Variants in MAGI1 observed in about 807,000 individuals in gnomAD.
The protein encoded by MAGI1 is membrane associated guanylate kinase, WW and PDZ domain containing 1.
Under a neutral mutation model 139.9 loss-of-function variants are expected in MAGI1, and 58 were observed. That is an observed-to-expected ratio of 0.41 (90% confidence interval 0.34 to 0.52). The LOEUF (loss-of-function observed/expected upper bound fraction) is 0.52. Among genes scored for constraint, MAGI1 ranks in the 20% least tolerant of loss-of-function variants. The pLI, the probability that MAGI1 is intolerant of heterozygous loss-of-function variation, is 0.12. For synonymous variants in MAGI1, 812 were observed against 737.9 expected (o/e 1.10, Z -1.63); for missense variants, 1,874 against 1,901.6 (o/e 0.99, Z 0.27).
intron 1 of MAGI1, among the ~76,000 whole-genome samples, chr3:65,823,169 T>C (rs540890510): frequency 6.6e-6 from 1 of 152,230 alleles, no homozygotes; most frequent in Non-Finnish European, 1.5e-5. Flanking sequence ...ATATATCATA[T>C]AAAGTGATTT....
chr3:66,003,376 A>G (rs2066851338), intron 1 of MAGI1, among the ~76,000 whole-genome samples: 1 of 152,052 alleles, frequency 6.6e-6, no homozygotes, highest in Admixed American at 6.6e-5. Flanking sequence ...GAGAGGCAGG[A>G]CATGCACGGT....
At chr3:65,888,789 A>T (rs967522798) in intron 1 of MAGI1, among the ~76,000 whole-genome samples, 1 of 152,190 alleles carries the variant, frequency 6.6e-6, no homozygotes, top group Non-Finnish European at 1.5e-5. Flanking sequence ...CTTCCAATTC[A>T]ATGCTCCCAA....
intron 2 of MAGI1, among the ~76,000 whole-genome samples, chr3:65,571,384 T>C (rs1559681637): frequency 6.6e-6 from 1 of 152,124 alleles, no homozygotes; most frequent in African/African-American, 2.4e-5. Flanking sequence ...GATGAATACA[T>C]GTGATGAGGG....
rs76442873 is a variant in MAGI1, at chr3:65,947,582, G to T, written c.313+90414C>A. On this transcript the variant is annotated intron_variant, in intron 1 of 22. Coordinates refer to ENST00000402939, the MANE Select transcript of MAGI1 (RefSeq NM_001033057.2). ...TGTACGTTTCTGATTAACTGTTGAG[G>T]CTTTCAAGTGAAAGCTTTAATCAGC... Among the ~76,000 whole-genome samples the T allele has an allele frequency of 3.0e-3, 449 of 152,108 alleles. 1 individual carries two copies. The highest frequency in any genetic ancestry group is 0.01 in the African/African-American group (430 of 41,516).
intron 12 of MAGI1, among the ~76,000 whole-genome samples, chr3:65,402,343 G>A (rs1044411315): frequency 2.0e-5 from 3 of 152,174 alleles, no homozygotes; most frequent in Admixed American, 6.5e-5. Context: ...GAGCTGGAAG[G>A]GACAAGTGAT....
At chr3:65,602,884 T>C (rs999303175) in intron 2 of MAGI1, among the ~76,000 whole-genome samples, 1 of 151,950 alleles carries the variant, frequency 6.6e-6, no homozygotes, top group Non-Finnish European at 1.5e-5. Flanking sequence ...TCATATATGA[T>C]CAACCTTAGG....
chr3:65,858,204 G>C (rs987087947), intron 1 of MAGI1, among the ~76,000 whole-genome samples: 1 of 152,170 alleles, frequency 6.6e-6, no homozygotes, highest in Non-Finnish European at 1.5e-5. Context: ...GCCATCCTTA[G>C]CATCAAACAA....
intron 1 of MAGI1, among the ~76,000 whole-genome samples, chr3:65,724,968 G>A (rs1322832386): frequency 1.3e-5 from 2 of 151,974 alleles, no homozygotes; most frequent in African/African-American, 4.8e-5. Context: ...AATCTGGGTG[G>A]GGATACAAAG....
At chr3:65,980,478 G>A (rs4688622) in intron 1 of MAGI1, among the ~76,000 whole-genome samples, 106,373 of 151,108 alleles carry the variant, frequency 0.7, 38,229 homozygotes, top group Admixed American at 0.8. Flanking sequence ...CAGGAGAATC[G>A]CTTGAACCCA....
chr3:65,987,092 G>C (rs1186935057), intron 1 of MAGI1, among the ~76,000 whole-genome samples: 1 of 152,058 alleles, frequency 6.6e-6, no homozygotes, highest in Non-Finnish European at 1.5e-5. Context: ...GACTGGTCTC[G>C]AACTCCTGAC....
At position 65,356,586 on chromosome 3, in the gene MAGI1, C is replaced by G. The variant is rs748944757; in HGVS notation, c.4181G>C (p.Arg1394Pro). 6.3e-7 allele frequency: 1 copy of G among 1,598,190 alleles called. No homozygotes were observed. The highest frequency in any genetic ancestry group is 8.5e-7 in the Non-Finnish European group (1 of 1,172,922). The change falls in exon 23 of 23, where the codon CGC (arginine) becomes CCC (proline). Residue 1394 changes from arginine to proline, a missense_variant. By Grantham distance (103) the Arg-to-Pro change is moderately radical. Coordinates refer to ENST00000402939, the MANE Select transcript of MAGI1 (RefSeq NM_001033057.2). Reference protein sequence around the residue: ...PERRRGGSPERRAKSTDRRRA... With the variant: ...PERRRGGSPEPRAKSTDRRRA... ...CCTCCGGTCGGTGGACTTGGCCCTG[C>G]GCTCGGGCGAGCCCCCTCTCCTGCG...
chr3:65,986,766 G>C (rs544699993), intron 1 of MAGI1, among the ~76,000 whole-genome samples: 2 of 152,030 alleles, frequency 1.3e-5, no homozygotes, highest in Admixed American at 6.6e-5. Flanking sequence ...ATAGTCCAAC[G>C]GTCTTCTTAC....
chr3:65,690,744 A>ACAGCCTCCCAATGTGCTGGGATTC, intron 1 of MAGI1, among the ~76,000 whole-genome samples: 1 of 151,380 alleles, frequency 6.6e-6, no homozygotes, highest in African/African-American at 2.4e-5. Flanking sequence ...TGCTGGGATT[A>ACAGCCTCCCAATGTGCTGGGATTC]CAGCCTCCCA....
At chr3:65,431,623 C>T (rs949474934) in intron 10 of MAGI1, among the ~76,000 whole-genome samples, 1 of 152,042 alleles carries the variant, frequency 6.6e-6, no homozygotes, top group African/African-American at 2.4e-5. Flanking sequence ...ACAACACACA[C>T]ACACAAAATC....
At chr3:65,452,157 C>G (rs996893386) in intron 6 of MAGI1, among the ~76,000 whole-genome samples, 2 of 150,272 alleles carry the variant, frequency 1.3e-5, no homozygotes, top group Admixed American at 6.6e-5. Flanking sequence ...AAACAAACAT[C>G]TTGGTCATGC....
chr3:65,689,458 T>G (rs551483031), intron 1 of MAGI1, among the ~76,000 whole-genome samples: 2 of 152,322 alleles, frequency 1.3e-5, no homozygotes, highest in South Asian at 4.1e-4. Flanking sequence ...CCTATTTCAG[T>G]TAATGACCCA....
intron 2 of MAGI1, among the ~76,000 whole-genome samples, chr3:65,564,696 T>C (rs150335663): frequency 6.6e-6 from 1 of 152,326 alleles, no homozygotes; most frequent in African/African-American, 2.4e-5. Flanking sequence ...AAAGATTTAT[T>C]TGTGTGCATT....
At chr3:66,000,129 T>C (rs894465268) in intron 1 of MAGI1, among the ~76,000 whole-genome samples, 2 of 151,850 alleles carry the variant, frequency 1.3e-5, no homozygotes, top group African/African-American at 2.4e-5. Flanking sequence ...CCCGCTACCA[T>C]GCCCGGCTAA....
chr3:65,648,290 C>CGTGT (rs35122002), intron 1 of MAGI1, among the ~76,000 whole-genome samples: 1,992 of 146,746 alleles, frequency 0.014, 16 homozygotes, highest in East Asian at 0.039. Context: ...TACTACAGGC[C>CGTGT]GTGTGTGTGT....
Sources: allele counts gnomAD v4.1 joint callset (sites outside exome capture counted in the v4.1 genomes callset), GRCh38; gene constraint gnomAD v4.1.1; transcripts MANE v1.5; gene names NCBI Gene and HGNC (gene_info 2026-07-23, HGNC 2026-07-21).